Variants in GLIS3 observed in about 807,000 individuals in gnomAD.
GLIS3 encodes GLIS family zinc finger 3, also known as zinc finger protein GLIS3.
Under a neutral mutation model 78.6 loss-of-function variants are expected in GLIS3, and 53 were observed. The ratio of observed to expected loss-of-function variants is 0.67; its 90% CI spans 0.54 to 0.85. The LOEUF is 0.85. Ranked by LOEUF, GLIS3 falls within the 40% of genes least tolerant of loss-of-function variation. The probability of loss-of-function intolerance (pLI) is 0.00; values close to 1 mark genes in which losing one functional copy is unlikely to be tolerated. For synonymous variants in GLIS3, 684 were observed against 509.9 expected (o/e 1.34, Z -4.60); for missense variants, 1,703 against 1,231.1 (o/e 1.38, Z -5.74).
chr9:3,985,470 G>A lies in GLIS3; in HGVS notation c.1711-48281C>T, dbSNP rs778732464. Among the ~76,000 whole-genome samples the A allele has an allele frequency of 2.6e-5, 4 of 152,276 alleles. 1 individual carries two copies. In the South Asian group the frequency reaches 8.3e-4, roughly 32 times the overall value. On this transcript the variant is annotated intron_variant, in intron 4 of 10. Coordinates refer to ENST00000381971, the MANE Select transcript of GLIS3 (RefSeq NM_001042413.2). ...GCCCCAGTCAAAATTAAATACAAGT[G>A]TCCTGTCAGAATGAAACTTCTACAG...
chr9:4,132,060 A>AC (rs1462120906), intron 2 of GLIS3, among the ~76,000 whole-genome samples: 2 of 151,754 alleles, frequency 1.3e-5, no homozygotes, highest in African/African-American at 4.8e-5. Flanking sequence ...TAAAAAAAAA[A>AC]AAAAACAAAA....
intron 8 of GLIS3, among the ~76,000 whole-genome samples, chr9:3,859,870 G>A (rs1221759258): frequency 6.6e-6 from 1 of 152,176 alleles, no homozygotes; most frequent in East Asian, 1.9e-4. Context: ...AGATAACTGA[G>A]TCAAACACTT....
chr9:4,361,290 T>C, the GLIS3 span, among the ~76,000 whole-genome samples: 1 of 152,224 alleles, frequency 6.6e-6, no homozygotes, highest in African/African-American at 2.4e-5. Context: ...AAGAAGGGAC[T>C]CCTCTGATGG....
chr9:4,436,024 T>C, the GLIS3 span, among the ~76,000 whole-genome samples: 2 of 152,196 alleles, frequency 1.3e-5, no homozygotes, highest in African/African-American at 2.4e-5. Context: ...GGTTGTAATA[T>C]ATGAAGGATA....
At chr9:4,073,170 G>A (rs1463317253) in intron 4 of GLIS3, among the ~76,000 whole-genome samples, 1 of 152,118 alleles carries the variant, frequency 6.6e-6, no homozygotes, top group Non-Finnish European at 1.5e-5. Flanking sequence ...CAACTGAAAT[G>A]TATAGTAGAG....
chr9:3,846,247 T>G (rs1819030791), intron 9 of GLIS3, among the ~76,000 whole-genome samples: 1 of 152,142 alleles, frequency 6.6e-6, no homozygotes, highest in South Asian at 2.1e-4. Context: ...AACTAAAAAT[T>G]TCCATAATAC....
intron 4 of GLIS3, among the ~76,000 whole-genome samples, chr9:4,086,270 G>A (rs995015924): frequency 6.6e-6 from 1 of 152,152 alleles, no homozygotes; most frequent in Admixed American, 6.5e-5. Context: ...CCCAACTGAA[G>A]AATCATGACC....
chr9:3,957,676 C>G (rs763488793), intron 4 of GLIS3, among the ~76,000 whole-genome samples: 4 of 152,154 alleles, frequency 2.6e-5, no homozygotes, highest in Non-Finnish European at 5.9e-5. Flanking sequence ...GGAAAACAGA[C>G]AAAGAAATGT....
At chr9:4,139,310 G>C (rs915653169) in intron 2 of GLIS3, among the ~76,000 whole-genome samples, 1 of 152,196 alleles carries the variant, frequency 6.6e-6, no homozygotes, top group Non-Finnish European at 1.5e-5. Context: ...GACAGCAAGT[G>C]CTCACCAAAT....
At chr9:4,205,013 A>G (rs985195654) in intron 2 of GLIS3, among the ~76,000 whole-genome samples, 1 of 149,674 alleles carries the variant, frequency 6.7e-6, no homozygotes, top group African/African-American at 2.5e-5. Flanking sequence ...CCCCGTCTCT[A>G]TTAACTACAA....
chr9:4,290,490 G>C (rs1423063699), intron 1 of GLIS3, among the ~76,000 whole-genome samples: 1 of 151,948 alleles, frequency 6.6e-6, no homozygotes, highest in African/African-American at 2.4e-5. Context: ...TATTCCCATG[G>C]GCTTCTCTTG....
In GLIS3 at chr9:4,286,327, G is replaced by T. The variant is rs1295252472; in HGVS notation, c.99C>A (p.Ala33=). The change falls in exon 2 of 11, where the codon GCC becomes GCA. Residue 33 remains alanine (A), a synonymous_variant. Coordinates refer to ENST00000381971, the MANE Select transcript of GLIS3 (RefSeq NM_001042413.2). ...VSGHHIPAIR[A]HSGTPGPSPC... ...GCGAGGGGCCAGGAGTCCCGGAGTG[G>T]GCTCGGATGGCAGGAATGTGATGAC... 6.2e-7 allele frequency: 1 copy of T among 1,614,200 alleles called. No individual in the cohort carries two copies. Among genetic ancestry groups the T allele is most frequent in the Non-Finnish European group, 8.5e-7 (1 of 1,180,022 alleles).
chr9:4,339,060 A>T (rs1817797143), intron 2 of GLIS3, among the ~76,000 whole-genome samples: 1 of 152,244 alleles, frequency 6.6e-6, no homozygotes, highest in Non-Finnish European at 1.5e-5. Flanking sequence ...CAAAATAATC[A>T]TGTTCAAAAC....
At chr9:4,460,161 T>C in the GLIS3 span, among the ~76,000 whole-genome samples, 130 of 151,960 alleles carry the variant, frequency 8.6e-4, no homozygotes, top group African/African-American at 2.8e-3. Flanking sequence ...CAGTCAACAG[T>C]GGGGAATCTC....
At chr9:3,997,842 T>A (rs2129874897) in intron 4 of GLIS3, among the ~76,000 whole-genome samples, 1 of 152,146 alleles carries the variant, frequency 6.6e-6, no homozygotes, top group Non-Finnish European at 1.5e-5. Context: ...ACCTTGGAAG[T>A]TCTAGTTTAT....
chr9:4,295,764 G>C (rs1418422783), intron 1 of GLIS3, among the ~76,000 whole-genome samples: 5 of 152,138 alleles, frequency 3.3e-5, no homozygotes, highest in African/African-American at 4.8e-5. Context: ...TTTCCGTAAG[G>C]ATATTTCATC....
chr9:4,220,237 A>G (rs2131328313), intron 2 of GLIS3, among the ~76,000 whole-genome samples: 1 of 152,368 alleles, frequency 6.6e-6, no homozygotes, highest in South Asian at 2.1e-4. Flanking sequence ...TACAACCAAT[A>G]AATTTAGAAA....
At chr9:3,880,563 C>G (rs374148941) in intron 7 of GLIS3, among the ~76,000 whole-genome samples, 3 of 152,228 alleles carry the variant, frequency 2.0e-5, no homozygotes, top group African/African-American at 7.2e-5. Flanking sequence ...TTTGAACTTA[C>G]TCTACTAATA....
chr9:3,967,395 C>G (rs1818035270), intron 4 of GLIS3, among the ~76,000 whole-genome samples: 2 of 151,960 alleles, frequency 1.3e-5, no homozygotes, highest in African/African-American at 4.8e-5. Context: ...CCCAGCTACT[C>G]AGGAGGCTAA....
Sources: gnomAD v4.1 joint callset for allele counts (sites outside exome capture counted in the v4.1 genomes callset) on GRCh38, gnomAD v4.1.1 for gene constraint, MANE v1.5 for transcripts, NCBI Gene and HGNC (gene_info 2026-07-23, HGNC 2026-07-21) for gene names.